Variants in PPARGC1A observed in about 807,000 individuals in gnomAD.
PPARGC1A encodes peroxisome proliferator-activated receptor gamma coactivator 1-alpha.
A neutral mutation model predicts 88.7 loss-of-function variants in PPARGC1A; 25 were observed. The observed-to-expected ratio is 0.28, with a 90% confidence interval of 0.21 to 0.39. The LOEUF is 0.39. Among genes scored for constraint, PPARGC1A ranks in the 10% least tolerant of loss-of-function variants. The pLI, the probability that PPARGC1A is intolerant of heterozygous loss-of-function variation, is 1.00. For synonymous variants in PPARGC1A, 363 were observed against 355.6 expected, an observed-to-expected ratio of 1.02 and a Z score of -0.24; for missense variants, 880 against 968.7, an observed-to-expected ratio of 0.91 and a Z score of 1.22.
chr4:24,351,241 A>T, the PPARGC1A span, among the ~76,000 whole-genome samples: 3 of 151,952 alleles, frequency 2.0e-5, no homozygotes, highest in African/African-American at 7.3e-5. Flanking sequence ...TAAAAAAAAA[A>T]AAAAAGTTAA....
chr4:24,089,510 C>CTTTTTTTT, the PPARGC1A span, among the ~76,000 whole-genome samples: 18 of 33,832 alleles, frequency 5.3e-4, 1 homozygote, highest in African/African-American at 1.2e-3. Context: ...CTTTTCTTTT[C>CTTTTTTTT]TTTCTTTTTT....
chr4:24,262,659 T>C, the PPARGC1A span, among the ~76,000 whole-genome samples: 1 of 152,062 alleles, frequency 6.6e-6, no homozygotes, highest in South Asian at 2.1e-4. Flanking sequence ...CTTCCAAGAA[T>C]GGTTTATAAA....
the PPARGC1A span, among the ~76,000 whole-genome samples, chr4:24,370,880 G>A: frequency 2.7e-5 from 4 of 146,308 alleles, no homozygotes; most frequent in Admixed American, 7.0e-5. Context: ...CGTCATCTAG[G>A]TTTTAAGCCC....
At chr4:24,200,658 A>AAAAAAAAAAC in the PPARGC1A span, among the ~76,000 whole-genome samples, 2 of 114,052 alleles carry the variant, frequency 1.8e-5, no homozygotes, top group Non-Finnish European at 3.4e-5. Context: ...TATTAAGCAA[A>AAAAAAAAAAC]AAAAAAAAAA....
the PPARGC1A span, among the ~76,000 whole-genome samples, chr4:23,980,433 C>T: frequency 6.6e-6 from 1 of 152,118 alleles, no homozygotes; most frequent in Non-Finnish European, 1.5e-5. Flanking sequence ...ACTTTTCTTG[C>T]TTAACACTAT....
At chr4:24,017,218 A>G in the PPARGC1A span, among the ~76,000 whole-genome samples, 1 of 152,192 alleles carries the variant, frequency 6.6e-6, no homozygotes, top group Non-Finnish European at 1.5e-5. Flanking sequence ...AACTCTGGCA[A>G]CCAATTAAAA....
intron 2 of PPARGC1A, among the ~76,000 whole-genome samples, chr4:23,837,375 A>G (rs562365411): frequency 2.2e-4 from 24 of 109,226 alleles, no homozygotes; most frequent in East Asian, 2.2e-3. Context: ...ATTTTTTTGC[A>G]CTCATGATTA....
intron 2 of PPARGC1A, among the ~76,000 whole-genome samples, chr4:23,847,209 T>C (rs1728475835): frequency 6.6e-6 from 1 of 152,176 alleles, no homozygotes; most frequent in Non-Finnish European, 1.5e-5. Flanking sequence ...GAATATTTGT[T>C]ATGATCTAAT....
chr4:24,438,170 C>A, the PPARGC1A span, among the ~76,000 whole-genome samples: 2 of 152,052 alleles, frequency 1.3e-5, no homozygotes, highest in Non-Finnish European at 2.9e-5. Context: ...TGATGACAGC[C>A]CTTGGGGATA....
At chr4:24,136,876 G>A in the PPARGC1A span, among the ~76,000 whole-genome samples, 1 of 152,110 alleles carries the variant, frequency 6.6e-6, no homozygotes, top group Admixed American at 6.5e-5. Context: ...AGCACTTTGG[G>A]AGGCTGAGGT....
the PPARGC1A span, among the ~76,000 whole-genome samples, chr4:24,079,745 G>A: frequency 1.3e-5 from 2 of 151,946 alleles, no homozygotes; most frequent in Non-Finnish European, 2.9e-5. Flanking sequence ...TTTTCCGCCT[G>A]AAATTTAATT....
At chr4:24,042,117 C>T in the PPARGC1A span, among the ~76,000 whole-genome samples, 1 of 152,136 alleles carries the variant, frequency 6.6e-6, no homozygotes, top group African/African-American at 2.4e-5. Flanking sequence ...ATCTGGACAA[C>T]TGATAAGTAA....
chr4:23,985,795 A>G, the PPARGC1A span, among the ~76,000 whole-genome samples: 1 of 152,062 alleles, frequency 6.6e-6, no homozygotes, highest in Non-Finnish European at 1.5e-5. Context: ...AATTGGGGCT[A>G]TTTCTCATGA....
chr4:23,859,711 G>T (rs1411582505), intron 2 of PPARGC1A, among the ~76,000 whole-genome samples: 2 of 151,818 alleles, frequency 1.3e-5, no homozygotes, highest in Non-Finnish European at 2.9e-5. Flanking sequence ...AACCTGGGAG[G>T]TGGAGCTTGC....
upstream of PPARGC1A, among the ~76,000 whole-genome samples, chr4:23,904,784 A>G (rs1719840603): frequency 6.6e-6 from 1 of 152,072 alleles, no homozygotes; most frequent in Non-Finnish European, 1.5e-5. Context: ...GGTCACAACT[A>G]TTTGCTTTTG....
At chr4:23,818,525 A>C (rs1479823712) in intron 7 of PPARGC1A, among the ~76,000 whole-genome samples, 1 of 152,150 alleles carries the variant, frequency 6.6e-6, no homozygotes, top group Admixed American at 6.6e-5. Flanking sequence ...AACAGAGCAC[A>C]ACCTTAGCAA....
chr4:24,417,724 A>G, the PPARGC1A span, among the ~76,000 whole-genome samples: 1 of 152,222 alleles, frequency 6.6e-6, no homozygotes, highest in Non-Finnish European at 1.5e-5. Context: ...CGACACATAA[A>G]GATGTATACA....
chr4:24,051,057 G>A, the PPARGC1A span, among the ~76,000 whole-genome samples: 16 of 151,838 alleles, frequency 1.1e-4, no homozygotes, highest in African/African-American at 3.9e-4. Flanking sequence ...GCATGGTGGC[G>A]GGTGCCTATA....
the PPARGC1A span, among the ~76,000 whole-genome samples, chr4:24,375,358 A>G: frequency 1.3e-5 from 2 of 152,214 alleles, no homozygotes; most frequent in South Asian, 2.1e-4. Context: ...ATTCAAGATG[A>G]CAGACTGAGT....
Sources: allele counts gnomAD v4.1 joint callset (sites outside exome capture counted in the v4.1 genomes callset), GRCh38; gene constraint gnomAD v4.1.1; transcripts MANE v1.5; gene names NCBI Gene and HGNC (gene_info 2026-07-23, HGNC 2026-07-21).